SBF2: variants seen among roughly 807,000 people sequenced by gnomAD.
SBF2 encodes SET binding factor 2, also known as myotubularin-related protein 13.
In SBF2, 112 loss-of-function variants were observed where a neutral mutation model predicts 225.2. The observed-to-expected ratio is 0.50, with a 90% CI of 0.43 to 0.58. The LOEUF (loss-of-function observed/expected upper bound fraction) is 0.58. Among genes scored for constraint, SBF2 ranks in the 20% least tolerant of loss-of-function variants. SBF2 has a pLI of 0.00. For synonymous variants in SBF2, 763 were observed against 773.3 expected (o/e 0.99, Z 0.22); for missense variants, 1,996 against 2,206.2 (o/e 0.90, Z 1.91).
chr11:9,864,082 G>A (rs569946977), intron 17 of SBF2, among the ~76,000 whole-genome samples: 3 of 152,288 alleles, frequency 2.0e-5, no homozygotes, highest in East Asian at 3.9e-4. Context: ...AAAGAGAATG[G>A]CCTATAAGCA....
At chr11:9,826,908 G>A (rs966584440) in intron 28 of SBF2, among the ~76,000 whole-genome samples, 4 of 151,798 alleles carry the variant, frequency 2.6e-5, no homozygotes, top group African/African-American at 9.7e-5. Flanking sequence ...TCTGCCTCCC[G>A]GTCTATGCAA....
rs965117297 is a variant in SBF2 at position 10,045,538 on chromosome 11, C to T, written c.142-2557G>A. Among the ~76,000 whole-genome samples, 21 of 152,308 alleles carry T rather than the reference C, an allele frequency of 1.4e-4. 1 individual carries two copies. The highest frequency in any genetic ancestry group is 4.1e-4 in the African/African-American group (17 of 41,564). On this transcript the variant is annotated intron_variant, in intron 2 of 39. Transcript: ENST00000256190. ...TTTCTCTGAAACAGTGCTGGACGAA[C>T]GCCTGAAGGGGCTCACACAACCTGT... is the stretch of plus-strand genomic sequence containing the variant.
chr11:9,783,428 T>TAACA (rs1274221966), intron 38 of SBF2, among the ~76,000 whole-genome samples: 7 of 152,202 alleles, frequency 4.6e-5, no homozygotes, highest in Non-Finnish European at 8.8e-5. Flanking sequence ...AGGTTTTTCC[T>TAACA]AACAGATTCC....
chr11:10,196,965 T>C (rs1957399775), intron 1 of SBF2, among the ~76,000 whole-genome samples: 1 of 150,912 alleles, frequency 6.6e-6, no homozygotes, highest in African/African-American at 2.4e-5. Context: ...TTGTTGAACA[T>C]ACATTTTCTA....
rs184228330 is a variant in SBF2 at position 10,293,040 on chromosome 11, A to G, written c.55+975T>C. 3.9e-4 allele frequency among the ~76,000 whole-genome samples: 59 copies of G among 152,340 alleles called. 1 individual carries two copies. The highest frequency in any genetic ancestry group is 1.3e-3 in the African/African-American group (53 of 41,578). Reference sequence around the variant, plus strand: ...TGGCTGTAACCATCAGGAAAACACAATCTCAGCATCTCTGAAAAATGAAGG... The same window carrying G: ...TGGCTGTAACCATCAGGAAAACACAGTCTCAGCATCTCTGAAAAATGAAGG... On this transcript the variant is annotated intron_variant, in intron 1 of 39. Coordinates refer to ENST00000256190, the MANE Select transcript of SBF2 (RefSeq NM_030962.4).
upstream of SBF2, among the ~76,000 whole-genome samples, chr11:10,297,937 A>T (rs1157394973): frequency 6.6e-6 from 1 of 152,278 alleles, no homozygotes; most frequent in African/African-American, 2.4e-5. Context: ...TGAAAGCCAG[A>T]CCATCCCCTA....
rs145778723 is a variant in SBF2, at chr11:10,139,381, GTTC to G, written c.141+54518_141+54520del. Among the ~76,000 whole-genome samples, 18 of 152,266 alleles carry G rather than the reference GTTC, an allele frequency of 1.2e-4. No homozygotes were observed. In the East Asian group the frequency reaches 3.5e-3, roughly 29 times the overall value. ...AAGCATTTTCTGTAATGATGGAACT[GTTC>G]TTCATCTGTGATGTCAAAGACTGTA... On this transcript the variant is annotated intron_variant, in intron 2 of 39. Transcript: ENST00000256190.
intron 28 of SBF2, among the ~76,000 whole-genome samples, chr11:9,820,505 C>A (rs190711352): frequency 8.2e-4 from 125 of 152,296 alleles, no homozygotes; most frequent in Middle Eastern, 3.4e-3. Flanking sequence ...ATATGGGACA[C>A]TAAGATGATG....
In SBF2 at chr11:9,911,026, T is replaced by C. The variant is rs186014642; in HGVS notation, c.1861-15015A>G. ...GTGAGCTGAGATCGCCCCACTGCAC[T>C]CCAGCCTGGTGACACAGCAAGACTC... is the stretch of plus-strand genomic sequence containing the variant. On this transcript the variant is annotated intron_variant, in intron 16 of 39. Coordinates refer to ENST00000256190, the MANE Select transcript of SBF2 (RefSeq NM_030962.4). Among the ~76,000 whole-genome samples, 769 of 146,118 alleles carry C rather than the reference T, an allele frequency of 5.3e-3. 4 individuals carry two copies. Among genetic ancestry groups the C allele is most frequent in the Non-Finnish European group, 7.0e-3 (472 of 67,072 alleles).
At chr11:10,130,770 A>G (rs948566362) in intron 2 of SBF2, among the ~76,000 whole-genome samples, 1 of 152,186 alleles carries the variant, frequency 6.6e-6, no homozygotes. Context: ...GGAGAATGCT[A>G]TATAAATTGA....
intron 6 of SBF2, among the ~76,000 whole-genome samples, chr11:10,012,923 T>A (rs1376049748): frequency 2.6e-5 from 4 of 152,190 alleles, no homozygotes; most frequent in Non-Finnish European, 5.9e-5. Flanking sequence ...TGTGTTTGCA[T>A]GGTTCACTTG....
intron 2 of SBF2, among the ~76,000 whole-genome samples, chr11:10,115,057 G>A (rs375994042): frequency 1.7e-4 from 26 of 152,156 alleles, no homozygotes; most frequent in African/African-American, 5.5e-4. Context: ...CAAGTTTGTA[G>A]GAATTGTTTA....
At chr11:9,920,027 C>T (rs1393694810) in intron 16 of SBF2, among the ~76,000 whole-genome samples, 6 of 151,964 alleles carry the variant, frequency 3.9e-5, no homozygotes, top group African/African-American at 9.7e-5. Context: ...CCACCATGCC[C>T]GGCCTCTTCT....
intron 16 of SBF2, among the ~76,000 whole-genome samples, chr11:9,913,290 A>G (rs907643414): frequency 6.6e-6 from 1 of 152,224 alleles, no homozygotes; most frequent in Admixed American, 6.5e-5. Context: ...AACAAACAAA[A>G]TGAGAAAACT....
At chr11:10,150,205 C>T (rs1955108265) in intron 2 of SBF2, among the ~76,000 whole-genome samples, 1 of 152,058 alleles carries the variant, frequency 6.6e-6, no homozygotes, top group Non-Finnish European at 1.5e-5. Flanking sequence ...ATGGAGAATA[C>T]TAAATAAATG....
intron 1 of SBF2, among the ~76,000 whole-genome samples, chr11:10,285,045 C>T (rs1372288276): frequency 1.3e-5 from 2 of 152,004 alleles, no homozygotes. Context: ...TGAGGTGACT[C>T]ACGGCTGTAA....
At chr11:10,252,741 CGG>C (rs1960482228) in intron 1 of SBF2, among the ~76,000 whole-genome samples, 1 of 147,514 alleles carries the variant, frequency 6.8e-6, no homozygotes, top group Non-Finnish European at 1.5e-5. Context: ...ACCTGGGAGG[CGG>C]AGCTTGCAGC....
At chr11:10,093,576 A>G (rs550489036) in intron 2 of SBF2, among the ~76,000 whole-genome samples, 2 of 152,272 alleles carry the variant, frequency 1.3e-5, no homozygotes, top group African/African-American at 4.8e-5. Flanking sequence ...ATGTACATAT[A>G]TGTACTAAAA....
chr11:10,240,208 G>A, intron 1 of SBF2, among the ~76,000 whole-genome samples: 1 of 150,658 alleles, frequency 6.6e-6, no homozygotes, highest in South Asian at 2.1e-4. Context: ...TTAATGAAGT[G>A]CAGGCATAAG....
Sources: allele counts gnomAD v4.1 joint callset (sites outside exome capture counted in the v4.1 genomes callset), GRCh38; gene constraint gnomAD v4.1.1; transcripts MANE v1.5; gene names NCBI Gene and HGNC (gene_info 2026-07-23, HGNC 2026-07-21).